DGKB: variants seen among roughly 807,000 people sequenced by gnomAD.
DGKB encodes the protein 90 kDa diacylglycerol kinase.
DGKB carries 67 observed loss-of-function variants against 114.3 expected under a neutral mutation model. The ratio of observed to expected loss-of-function variants is 0.59; its 90% CI spans 0.48 to 0.72. DGKB has a LOEUF of 0.72. DGKB is among the 30% of genes least tolerant of loss of function. The pLI, the probability that DGKB is intolerant of heterozygous loss-of-function variation, is 0.00. For synonymous variants in DGKB, 398 were observed against 323.1 expected, an observed-to-expected ratio of 1.23 and a Z score of -2.49; for missense variants, 907 against 975.2, an observed-to-expected ratio of 0.93 and a Z score of 0.93.
intron 19 of DGKB, 25 bp downstream of exon 19, chr7:14,580,834 TCTG>T (rs1563576210): frequency 1.9e-6 from 3 of 1,545,032 alleles, no homozygotes. Context: ...GTGTACTGTT[TCTG>T]CTTTTGTTGT....
intron 2 of DGKB, among the ~76,000 whole-genome samples, chr7:14,783,720 T>C (rs1392453577): frequency 6.6e-6 from 1 of 152,224 alleles, no homozygotes; most frequent in Non-Finnish European, 1.5e-5. Flanking sequence ...ACTGTACATT[T>C]ATAAAGAAAG....
chr7:14,479,641 T>C (rs1782698934), intron 20 of DGKB, among the ~76,000 whole-genome samples: 1 of 152,146 alleles, frequency 6.6e-6, no homozygotes. Flanking sequence ...ACGATAACTC[T>C]CTAATCTAGT....
chr7:14,699,428 AC>A (rs1214458496), intron 7 of DGKB, among the ~76,000 whole-genome samples: 2 of 151,578 alleles, frequency 1.3e-5, no homozygotes, highest in Non-Finnish European at 2.9e-5. Context: ...AAGCCACCCC[AC>A]CTAAGACTCA....
In DGKB at chr7:14,809,743, G is replaced by A. The variant is rs372988527; in HGVS notation, c.70+31451C>T. Among the ~76,000 whole-genome samples the A allele has an allele frequency of 1.4e-3, 207 of 152,194 alleles. 2 individuals carry two copies. The South Asian group carries it at 0.04, about 30-fold the overall frequency. On this transcript the variant is annotated intron_variant, in intron 2 of 25. Transcript: ENST00000402815. Reference sequence around the variant, plus strand: ...GTGCCAATGGTGTAGCAGTGGCTTAGACCATAAAAGTGCAAGGAATGGGGA... The same window carrying A: ...GTGCCAATGGTGTAGCAGTGGCTTAAACCATAAAAGTGCAAGGAATGGGGA...
Position 14,736,111 on chromosome 7 carries a change from G to A in DGKB, c.252C>T (p.Phe84=). ...ELPDDFTAHL[F]MSFSNKFPHS... is the part of the protein sequence containing the mutation. ...GAGGAAACTTGTTGCTAAATGACAT[G>A]AAAAGGTGTGCAGTGAAATCATCAG... is the stretch of plus-strand genomic sequence containing the variant. Residue 84 remains phenylalanine (F), a synonymous_variant, in exon 5 of 26, where the codon TTC becomes TTT. Coordinates refer to ENST00000402815, the MANE Select transcript of DGKB (RefSeq NM_001350709.2). 1 of 1,609,658 alleles carries A rather than the reference G, an allele frequency of 6.2e-7. No individual in the cohort carries two copies. Among genetic ancestry groups the A allele is most frequent in the Non-Finnish European group, 8.5e-7 (1 of 1,176,766 alleles).
intron 2 of DGKB, among the ~76,000 whole-genome samples, chr7:14,786,139 TAC>T (rs367551082): frequency 2.0e-3 from 294 of 147,922 alleles, no homozygotes; most frequent in Admixed American, 2.8e-3. Context: ...CAGGAACATG[TAC>T]ACACACACAC....
At chr7:14,277,808 T>C (rs983206166) in intron 23 of DGKB, among the ~76,000 whole-genome samples, 16 of 152,230 alleles carry the variant, frequency 1.1e-4, no homozygotes, top group African/African-American at 1.4e-4. Flanking sequence ...CTGGATCATA[T>C]AGTAGTTCTA....
At chr7:14,900,498 T>C (rs1279244694) in intron 1 of DGKB, among the ~76,000 whole-genome samples, 1 of 152,080 alleles carries the variant, frequency 6.6e-6, no homozygotes, top group Non-Finnish European at 1.5e-5. Flanking sequence ...CACATCATAG[T>C]CGTTATCAGT....
intron 13 of DGKB, among the ~76,000 whole-genome samples, chr7:14,655,597 C>T (rs982712279): frequency 1.3e-5 from 2 of 151,754 alleles, no homozygotes; most frequent in African/African-American, 4.8e-5. Flanking sequence ...ATGTTTATAA[C>T]AGCACTATTC....
At chr7:14,268,232 A>ACAC (rs1562790988) in intron 23 of DGKB, among the ~76,000 whole-genome samples, 12 of 132,540 alleles carry the variant, frequency 9.1e-5, no homozygotes, top group African/African-American at 2.8e-4. Context: ...CACACACACC[A>ACAC]CACACACACA....
chr7:14,717,286 G>A (rs1828357557), intron 6 of DGKB, among the ~76,000 whole-genome samples: 1 of 152,070 alleles, frequency 6.6e-6, no homozygotes, highest in African/African-American at 2.4e-5. Flanking sequence ...TTCATTTTCA[G>A]ATGTGGAAAA....
intron 13 of DGKB, among the ~76,000 whole-genome samples, chr7:14,640,777 G>C (rs1253862520): frequency 1.3e-5 from 2 of 152,144 alleles, no homozygotes; most frequent in African/African-American, 4.8e-5. Context: ...TAGTAAAACA[G>C]AGAAAGTCAT....
At chr7:14,778,047 T>G (rs1340248176) in intron 2 of DGKB, among the ~76,000 whole-genome samples, 3 of 152,198 alleles carry the variant, frequency 2.0e-5, no homozygotes, top group African/African-American at 7.2e-5. Flanking sequence ...TCACCGTGAA[T>G]TAATTAAAGA....
intron 23 of DGKB, among the ~76,000 whole-genome samples, chr7:14,270,882 A>G (rs1030251516): frequency 2.0e-5 from 3 of 152,196 alleles, no homozygotes; most frequent in African/African-American, 7.2e-5. Flanking sequence ...GTAAAATATG[A>G]TGTAGAAAGT....
intron 21 of DGKB, among the ~76,000 whole-genome samples, chr7:14,370,516 A>AGG: frequency 6.6e-6 from 1 of 152,170 alleles, no homozygotes; most frequent in Non-Finnish European, 1.5e-5. Context: ...TACTTTGGGC[A>AGG]GTATGGCCAT....
At chr7:14,339,758 G>T (rs929112033) in intron 22 of DGKB, among the ~76,000 whole-genome samples, 6 of 151,708 alleles carry the variant, frequency 4.0e-5, no homozygotes, top group African/African-American at 1.5e-4. Flanking sequence ...AGATATAAGC[G>T]CTTTGTTTTT....
intron 2 of DGKB, among the ~76,000 whole-genome samples, chr7:14,782,673 G>A (rs1255741744): frequency 2.0e-5 from 3 of 152,032 alleles, no homozygotes; most frequent in Non-Finnish European, 4.4e-5. Context: ...TAAACAGGAG[G>A]GTTGGAGAAT....
intron 20 of DGKB, among the ~76,000 whole-genome samples, chr7:14,490,273 T>C (rs1784420305): frequency 6.6e-6 from 1 of 152,198 alleles, no homozygotes; most frequent in South Asian, 2.1e-4. Flanking sequence ...CAAAAGGCTT[T>C]AGCTTATGAA....
chr7:14,249,226 T>G (rs1184786556), intron 23 of DGKB, among the ~76,000 whole-genome samples: 6 of 152,180 alleles, frequency 3.9e-5, no homozygotes, highest in Non-Finnish European at 2.9e-5. Context: ...CCTTTTAATG[T>G]GCTGCTGAAT....
Sources: allele counts gnomAD v4.1 joint callset (sites outside exome capture counted in the v4.1 genomes callset), GRCh38; gene constraint gnomAD v4.1.1; transcripts MANE v1.5; gene names NCBI Gene and HGNC (gene_info 2026-07-23, HGNC 2026-07-21).